LRRTM4: variants seen among roughly 807,000 people sequenced by gnomAD.
LRRTM4 encodes leucine-rich repeat transmembrane neuronal protein 4.
A neutral mutation model predicts 47.6 loss-of-function variants in LRRTM4; 25 were observed. The ratio of observed to expected loss-of-function variants is 0.53; its 90% CI spans 0.38 to 0.73. The LOEUF (loss-of-function observed/expected upper bound fraction) is 0.73, where lower values mean the gene tolerates loss of function less well. Ranked by LOEUF, LRRTM4 falls within the 30% of genes least tolerant of loss-of-function variation. LRRTM4 has a pLI of 0.00. For synonymous variants in LRRTM4, 311 were observed against 269.5 expected, an observed-to-expected ratio of 1.15 and a Z score of -1.51; for missense variants, 638 against 713.4, an observed-to-expected ratio of 0.89 and a Z score of 1.20.
chr2:77,481,403 G>A (rs1677697603), intron 3 of LRRTM4, among the ~76,000 whole-genome samples: 1 of 152,082 alleles, frequency 6.6e-6, no homozygotes, highest in Non-Finnish European at 1.5e-5. Flanking sequence ...CTTTAGCAAG[G>A]CAATACATTA....
chr2:77,162,430 C>G (rs1672757360), intron 3 of LRRTM4, among the ~76,000 whole-genome samples: 1 of 152,198 alleles, frequency 6.6e-6, no homozygotes, highest in Non-Finnish European at 1.5e-5. Context: ...GCAGAAACTT[C>G]TTCAGATTTA....
rs144720479 is a variant in LRRTM4, at chr2:76,987,998, T to G, written c.1552-239082A>C. 3.2e-3 allele frequency among the ~76,000 whole-genome samples: 480 copies of G among 152,008 alleles called. 1 individual carries two copies. Among genetic ancestry groups the G allele is most frequent in the Non-Finnish European group, 5.0e-3 (338 of 67,908 alleles). ...TATGCAGGGTAAATGCTTTAAAAAC[T>G]TTACTAGTATTATGTGTGATAAAAG... is the stretch of plus-strand genomic sequence containing the variant. On this transcript the variant is annotated intron_variant, in intron 3 of 3. Transcript: ENST00000409884.
chr2:77,162,031 C>T (rs113756275), intron 3 of LRRTM4, among the ~76,000 whole-genome samples: 1,661 of 152,156 alleles, frequency 0.011, 20 homozygotes, highest in African/African-American at 0.038. Flanking sequence ...GCTTGTCAGA[C>T]AGTGGGTGTA....
At chr2:77,092,176 T>A (rs1670665232) in intron 3 of LRRTM4, among the ~76,000 whole-genome samples, 1 of 152,182 alleles carries the variant, frequency 6.6e-6, no homozygotes, top group Non-Finnish European at 1.5e-5. Context: ...TCAGCTGTAC[T>A]CACTCTTTGT....
chr2:76,827,848 T>C (rs1671231164), intron 3 of LRRTM4, among the ~76,000 whole-genome samples: 1 of 151,900 alleles, frequency 6.6e-6, no homozygotes, highest in Admixed American at 6.6e-5. Flanking sequence ...TAGATGGTTA[T>C]AATAATATTA....
intron 3 of LRRTM4, among the ~76,000 whole-genome samples, chr2:77,347,365 C>T (rs1671600577): frequency 6.6e-6 from 1 of 152,042 alleles, no homozygotes; most frequent in African/African-American, 2.4e-5. Context: ...TATTTCTAGC[C>T]AGGATCCTGA....
chr2:77,316,847 A>G (rs1199493451), intron 3 of LRRTM4, among the ~76,000 whole-genome samples: 1 of 152,168 alleles, frequency 6.6e-6, no homozygotes, highest in African/African-American at 2.4e-5. Context: ...CACCTTACCT[A>G]TTCTCTTTTT....
At chr2:77,416,373 G>A (rs1674634838) in intron 3 of LRRTM4, among the ~76,000 whole-genome samples, 1 of 152,008 alleles carries the variant, frequency 6.6e-6, no homozygotes, top group South Asian at 2.1e-4. Context: ...GTGGCTACTT[G>A]TAGATTGTTC....
chr2:77,414,032 A>T (rs1265298317), intron 3 of LRRTM4, among the ~76,000 whole-genome samples: 1 of 152,138 alleles, frequency 6.6e-6, no homozygotes, highest in Non-Finnish European at 1.5e-5. Context: ...TATTTGCAAT[A>T]CTCCTAACTG....
chr2:77,193,447 T>C (rs1673728052), intron 3 of LRRTM4, among the ~76,000 whole-genome samples: 1 of 152,152 alleles, frequency 6.6e-6, no homozygotes, highest in African/African-American at 2.4e-5. Flanking sequence ...ACAATTCTTG[T>C]ATTTAAGAAT....
At chr2:76,983,707 A>G (rs186947487) in intron 3 of LRRTM4, among the ~76,000 whole-genome samples, 13 of 152,194 alleles carry the variant, frequency 8.5e-5, no homozygotes, top group African/African-American at 2.6e-4. Flanking sequence ...CATACATGAG[A>G]TAGAGCAATC....
At chr2:76,857,228 A>G (rs1033905878) in intron 3 of LRRTM4, among the ~76,000 whole-genome samples, 17 of 150,750 alleles carry the variant, frequency 1.1e-4, no homozygotes, top group Non-Finnish European at 2.2e-4. Context: ...ATGGATAATA[A>G]AGATATTTTC....
chr2:77,466,859 C>T (rs950402797), intron 3 of LRRTM4, among the ~76,000 whole-genome samples: 3 of 151,894 alleles, frequency 2.0e-5, no homozygotes, highest in African/African-American at 7.3e-5. Flanking sequence ...CCAACACACC[C>T]AGCTAATTTT....
At chr2:76,843,908 C>CTTTT (rs538704879) in intron 3 of LRRTM4, among the ~76,000 whole-genome samples, 1 of 145,372 alleles carries the variant, frequency 6.9e-6, no homozygotes. Context: ...TTTCTTTTTT[C>CTTTT]ATTTTTTTTT....
chr2:77,150,166 A>G (rs889780647), intron 3 of LRRTM4, among the ~76,000 whole-genome samples: 1 of 152,136 alleles, frequency 6.6e-6, no homozygotes, highest in Non-Finnish European at 1.5e-5. Flanking sequence ...AAAAAAAATC[A>G]TAATAGGAGT....
At chr2:76,840,183 T>A (rs911216048) in intron 3 of LRRTM4, among the ~76,000 whole-genome samples, 4 of 152,214 alleles carry the variant, frequency 2.6e-5, no homozygotes, top group Admixed American at 6.6e-5. Flanking sequence ...TAATTTTAAA[T>A]TTATTTTAGT....
intron 3 of LRRTM4, among the ~76,000 whole-genome samples, chr2:76,781,909 C>A (rs925254705): frequency 6.6e-5 from 10 of 152,120 alleles, no homozygotes; most frequent in African/African-American, 2.4e-4. Context: ...TCATCTGCTG[C>A]CTCTTGATCA....
intron 3 of LRRTM4, among the ~76,000 whole-genome samples, chr2:77,452,231 A>G (rs1486691089): frequency 6.6e-6 from 1 of 152,230 alleles, no homozygotes; most frequent in Non-Finnish European, 1.5e-5. Context: ...GGAACAGTTT[A>G]TTAAGTTATT....
chr2:77,245,250 G>A (rs1335557906), intron 3 of LRRTM4, among the ~76,000 whole-genome samples: 1 of 152,074 alleles, frequency 6.6e-6, no homozygotes, highest in East Asian at 1.9e-4. Flanking sequence ...GAAGTTAGAA[G>A]TTACTGATGT....
Sources: allele counts gnomAD v4.1 joint callset (sites outside exome capture counted in the v4.1 genomes callset), GRCh38; gene constraint gnomAD v4.1.1; transcripts MANE v1.5; gene names NCBI Gene and HGNC (gene_info 2026-07-23, HGNC 2026-07-21).